ARPIN: variants seen among roughly 807,000 people sequenced by gnomAD.
ARPIN encodes actin related protein 2/3 complex inhibitor, also known as UPF0552 protein C15orf38.
In ARPIN, 23 loss-of-function variants were observed where a neutral mutation model predicts 25.9. The ratio of observed to expected loss-of-function variants is 0.89; its 90% CI spans 0.64 to 1.26. The LOEUF is 1.26. ARPIN is among the 50% of genes most tolerant of loss of function. ARPIN has a pLI of 0.00. For missense variants in ARPIN, 333 were observed against 312.2 expected (o/e 1.07, Z -0.50); for synonymous variants, 126 against 131.4 (o/e 0.96, Z 0.28).
At chr15:89,905,211 GGGGTTTCACCA>G (rs1897098703) in intron 3 of ARPIN, among the ~76,000 whole-genome samples, 1 of 151,740 alleles carries the variant, frequency 6.6e-6, no homozygotes, top group African/African-American at 2.4e-5. Context: ...TGTTAGAAAC[GGGGTTTCACCA>G]TGTTGGCCAG....
chr15:89,907,106 T>C (rs2141923782), intron 3 of ARPIN, among the ~76,000 whole-genome samples: 1 of 151,758 alleles, frequency 6.6e-6, no homozygotes, highest in South Asian at 2.1e-4. Flanking sequence ...TCTCACTCTG[T>C]TGCCTAGGCT....
In ARPIN at chr15:89,910,839, A is replaced by G. The variant is rs1273688635; in HGVS notation, c.93-20T>C. 1 of 1,613,772 alleles carries G rather than the reference A, an allele frequency of 6.2e-7. No homozygotes were observed. Among genetic ancestry groups the G allele is most frequent in the Admixed American group, 1.7e-5 (1 of 59,966 alleles). On this transcript the variant is annotated intron_variant, in intron 1 of 5. Coordinates refer to ENST00000357484, the MANE Select transcript of ARPIN (RefSeq NM_182616.4). ...TTTCCCCTGGGGATGAAAGGGAAAGAAAGGATAGCCAGTTTTGTCAGTCCT... is the reference window on the plus strand; with the variant it reads ...TTTCCCCTGGGGATGAAAGGGAAAGGAAGGATAGCCAGTTTTGTCAGTCCT...
intron 2 of ARPIN, among the ~76,000 whole-genome samples, 182 bp downstream of exon 2, chr15:89,910,562 C>T (rs958151708): frequency 6.6e-6 from 1 of 152,194 alleles, no homozygotes; most frequent in African/African-American, 2.4e-5. Context: ...CAGCCTTAAA[C>T]TATTCTTCCA....
intron 3 of ARPIN, among the ~76,000 whole-genome samples, chr15:89,907,756 T>A (rs1897148354): frequency 6.6e-6 from 1 of 152,026 alleles, no homozygotes; most frequent in Admixed American, 6.6e-5. Flanking sequence ...CACCTGAGAA[T>A]AACCACTACA....
chr15:89,902,934 G>T, intron 5 of ARPIN: 1 of 1,367,680 alleles, frequency 7.3e-7, no homozygotes, highest in Non-Finnish European at 9.5e-7. Flanking sequence ...GAGACTTAAT[G>T]ACCATGATTA....
intron 1 of ARPIN, chr15:89,912,186 C>T (rs571317332): frequency 5.2e-4 from 512 of 984,616 alleles, no homozygotes; most frequent in Admixed American, 7.4e-4. Flanking sequence ...CAGTATTTGT[C>T]TTTCTGTATC....
chr15:89,902,272 G>A (rs978294858), intron 5 of ARPIN, among the ~76,000 whole-genome samples: 1 of 152,116 alleles, frequency 6.6e-6, no homozygotes, highest in Non-Finnish European at 1.5e-5. Flanking sequence ...GCCAGGCATG[G>A]TGGCGCATGC....
chr15:89,903,318 C>G lies in ARPIN; in HGVS notation c.570G>C (p.Lys190Asn), dbSNP rs763400988. The change falls in exon 5 of 6, where the codon AAG (lysine) becomes AAC (asparagine). Residue 190 changes from lysine to asparagine, a missense_variant. Lys to Asn is a moderately conservative substitution (Grantham distance 94). Transcript: ENST00000357484. The stretch of plus-strand genomic sequence containing the variant: ...TGTTGTCTGTCCAGGATGCCCCTGT[C>G]TTTCCATCACCAGTGAAATTACACT... ...VTKCNFTGDG[K>N]TGASWTDNIM... 7 of 1,614,208 alleles carry G rather than the reference C, an allele frequency of 4.3e-6. No homozygotes were observed. In the South Asian group the frequency reaches 7.7e-5, roughly 18 times the overall value.
In ARPIN at chr15:89,903,393, T is replaced by C. The variant is rs753901519; in HGVS notation, c.509-14A>G. On this transcript the variant is annotated splice_polypyrimidine_tract_variant and intron_variant, in intron 4 of 5. Coordinates refer to ENST00000357484, the MANE Select transcript of ARPIN (RefSeq NM_182616.4). ...TGGCCAATGAATCTGAAAGAAGAGA[T>C]GAAATTGAATGTCCTCTGTCCCTGT... is the stretch of plus-strand genomic sequence containing the variant. 2 of 1,614,066 alleles carry C rather than the reference T, an allele frequency of 1.2e-6. No homozygotes were observed. The highest frequency in any genetic ancestry group is 2.2e-5 in the South Asian group (2 of 91,084).
chr15:89,901,478 A>C lies in ARPIN; in HGVS notation c.*317T>G. The C allele has an allele frequency of 2.8e-6, 1 of 359,486 alleles. No individual in the cohort carries two copies. The highest frequency in any genetic ancestry group is 5.1e-6 in the Non-Finnish European group (1 of 195,256). 22.3% of individuals were successfully genotyped at this position (359,486 alleles called of 1,614,324 possible). ...TGGATCGCTTGAGTCCAGGAGTTTG[A>C]GATCAGCCTGGGCAACATAGTGAGA... On this transcript the variant is annotated 3_prime_UTR_variant, in exon 6 of 6. Coordinates refer to ENST00000357484, the MANE Select transcript of ARPIN (RefSeq NM_182616.4).
At chr15:89,907,356 C>G (rs1356664502) in intron 3 of ARPIN, among the ~76,000 whole-genome samples, 1 of 152,072 alleles carries the variant, frequency 6.6e-6, no homozygotes, top group Non-Finnish European at 1.5e-5. Context: ...GCATGAGCCA[C>G]CACACTCACC....
chr15:89,906,282 C>A (rs370940281), intron 3 of ARPIN, among the ~76,000 whole-genome samples: 2 of 152,148 alleles, frequency 1.3e-5, no homozygotes, highest in Admixed American at 6.5e-5. Flanking sequence ...CAGGGCTGCC[C>A]TGCACCCTTG....
chr15:89,906,277 C>A (rs141969192), intron 3 of ARPIN, among the ~76,000 whole-genome samples: 6 of 152,276 alleles, frequency 3.9e-5, no homozygotes, highest in East Asian at 1.9e-4. Flanking sequence ...CACTACAGGG[C>A]TGCCCTGCAC....
At chr15:89,903,114 G>C in intron 5 of ARPIN, 102 bp downstream of exon 5, 2 of 1,609,002 alleles carry the variant, frequency 1.2e-6, no homozygotes, top group Non-Finnish European at 1.7e-6. Flanking sequence ...AAAGCTGGGG[G>C]GTAAGATTCA....
Position 89,900,708 on chromosome 15 carries a change from A to T in ARPIN, c.*1087T>A, listed in dbSNP as rs749637871. On this transcript the variant is annotated 3_prime_UTR_variant, in exon 6 of 6. Transcript: ENST00000357484. ...AAGATCCACATGCCACCAAGTCCTG[A>T]CGACATGGAGACTTCAATTCCAGGT... is the stretch of plus-strand genomic sequence containing the variant. 7 of 152,196 alleles carry T rather than the reference A, an allele frequency of 4.6e-5. No homozygotes were observed. The highest frequency in any genetic ancestry group is 1.0e-4 in the Non-Finnish European group (7 of 68,052). The allele number at this position is 152,196 out of a possible 1,614,324, so 9.4% of individuals were successfully genotyped here.
rs1280286133 is a variant in ARPIN at position 89,898,843 on chromosome 15, T to G, written c.*2952A>C. On this transcript the variant is annotated 3_prime_UTR_variant, in exon 6 of 6. Coordinates refer to ENST00000357484, the MANE Select transcript of ARPIN (RefSeq NM_182616.4). The stretch of plus-strand genomic sequence containing the variant: ...AAGCAGGGTTTCAGCCCTGCTGTAG[T>G]TCCTCAACTCCCCACAGGTGTATCT... 1.3e-5 allele frequency: 2 copies of G among 152,220 alleles called. No individual in the cohort carries two copies. The highest frequency in any genetic ancestry group is 2.4e-5 in the African/African-American group (1 of 41,458). The allele number at this position is 152,220 out of a possible 1,614,324, so 9.4% of individuals were successfully genotyped here. A position where few individuals can be genotyped will look rare whatever the true frequency, so the allele number is the denominator to read the frequency against.
Position 89,912,809 on chromosome 15 carries a change from C to G in ARPIN, c.27G>C (p.Ala9=), listed in dbSNP as rs1177222977. ...CGCTCTGCACCGCCTTGTTCCGGAG[C>G]GCGCCGTCGTGGTAGATGCGGCTCA... The part of the protein sequence containing the change: MSRIYHDG[A]LRNKAVQSVR... Residue 9 remains alanine (A), a synonymous_variant, in exon 1 of 6, where the codon GCG becomes GCC. Coordinates refer to ENST00000357484, the MANE Select transcript of ARPIN (RefSeq NM_182616.4). 1.3e-6 allele frequency: 2 copies of G among 1,525,284 alleles called. No homozygotes were observed. The highest frequency in any genetic ancestry group is 2.0e-5 in the Admixed American group (1 of 49,778). The allele number at this position is 1,525,284 out of a possible 1,614,324, so 94.5% of individuals were successfully genotyped here. A position where few individuals can be genotyped will look rare whatever the true frequency, so the allele number is the denominator to read the frequency against.
intron 2 of ARPIN, among the ~76,000 whole-genome samples, chr15:89,910,208 T>C (rs943106761): frequency 2.6e-5 from 4 of 152,224 alleles, no homozygotes; most frequent in Admixed American, 1.3e-4. Context: ...AGCTCAGTTA[T>C]AGAGATCAAG....
Position 89,900,196 on chromosome 15 carries a change from G to C in ARPIN, c.*1599C>G, listed in dbSNP as rs3853639. The stretch of plus-strand genomic sequence containing the variant: ...TGTGAGAAAGTCCCATTCAGACACA[G>C]AACACCAGTGAAGTGGCTACCACAT... On this transcript the variant is annotated 3_prime_UTR_variant, in exon 6 of 6. Coordinates refer to ENST00000357484, the MANE Select transcript of ARPIN (RefSeq NM_182616.4). 36,577 of 152,132 alleles carry C rather than the reference G, an allele frequency of 0.24. 4,963 individuals are homozygous for C. The highest frequency in any genetic ancestry group is 0.33 in the South Asian group (1,570 of 4,820). The allele number at this position is 152,132 out of a possible 1,614,324, so 9.4% of individuals were successfully genotyped here. A position where few individuals can be genotyped will look rare whatever the true frequency, so the allele number is the denominator to read the frequency against.
Sources: allele counts gnomAD v4.1 joint callset (sites outside exome capture counted in the v4.1 genomes callset), GRCh38; gene constraint gnomAD v4.1.1; transcripts MANE v1.5; gene names NCBI Gene and HGNC (gene_info 2026-07-23, HGNC 2026-07-21).